DOCK1: variants seen among roughly 807,000 people sequenced by gnomAD.
DOCK1 encodes dedicator of cytokinesis 1, also known as dedicator of cytokinesis protein 1.
A neutral mutation model predicts 262.7 loss-of-function variants in DOCK1; 138 were observed. The observed-to-expected ratio is 0.53, with a 90% CI of 0.46 to 0.61. The LOEUF (loss-of-function observed/expected upper bound fraction) is 0.61. Among genes scored for constraint, DOCK1 ranks in the 20% least tolerant of loss-of-function variants. The pLI, the probability that DOCK1 is intolerant of heterozygous loss-of-function variation, is 0.00. For synonymous variants in DOCK1, 866 were observed against 867.4 expected, an observed-to-expected ratio of 1.00 and a Z score of 0.03; for missense variants, 1,908 against 2,370.7, an observed-to-expected ratio of 0.80 and a Z score of 4.05.
At chr10:127,096,552 C>A (rs1040883340) in intron 23 of DOCK1, among the ~76,000 whole-genome samples, 13 of 151,902 alleles carry the variant, frequency 8.6e-5, no homozygotes, top group Non-Finnish European at 1.8e-4. Context: ...TTTTGTATCA[C>A]CCATAACTCT....
chr10:127,346,087 T>A (rs1204989705), intron 31 of DOCK1, among the ~76,000 whole-genome samples: 1 of 152,132 alleles, frequency 6.6e-6, no homozygotes, highest in Non-Finnish European at 1.5e-5. Context: ...CAGCGCCCGC[T>A]ATTGGGTGAA....
chr10:126,964,753 T>C (rs1187649371), intron 1 of DOCK1, among the ~76,000 whole-genome samples: 1 of 152,230 alleles, frequency 6.6e-6, no homozygotes, highest in African/African-American at 2.4e-5. Context: ...GGGGAGGCTA[T>C]GGACCTGAGC....
intron 46 of DOCK1, among the ~76,000 whole-genome samples, chr10:127,420,953 G>C (rs1463472248): frequency 1.3e-5 from 2 of 151,736 alleles, no homozygotes; most frequent in Non-Finnish European, 2.9e-5. Flanking sequence ...GTCTCGCTCT[G>C]TTGCCCAGAC....
At position 127,214,371 on chromosome 10, in the gene DOCK1, G is replaced by A. The variant is rs191692966; in HGVS notation, c.2848-33637G>A. Reference sequence around the variant, plus strand: ...CTTTTTAGTTTTACCACATATTAATGTATCCTTAAACAATATGTTCTTAAG... The same window carrying A: ...CTTTTTAGTTTTACCACATATTAATATATCCTTAAACAATATGTTCTTAAG... On this transcript the variant is annotated intron_variant, in intron 27 of 51. Coordinates refer to ENST00000623213, the MANE Select transcript of DOCK1 (RefSeq NM_001290223.2). Among the ~76,000 whole-genome samples, 9 of 152,212 alleles carry A rather than the reference G, an allele frequency of 5.9e-5. No individual in the cohort carries two copies. The East Asian group carries it at 9.7e-4, about 16-fold the overall frequency.
chr10:127,200,455 G>A (rs751010273), intron 27 of DOCK1, among the ~76,000 whole-genome samples: 1 of 152,110 alleles, frequency 6.6e-6, no homozygotes, highest in Non-Finnish European at 1.5e-5. Flanking sequence ...ACAGAGTTTC[G>A]TTTTGTTGCC....
At chr10:126,979,660 A>G (rs2038806742) in intron 3 of DOCK1, among the ~76,000 whole-genome samples, 1 of 152,160 alleles carries the variant, frequency 6.6e-6, no homozygotes. Context: ...ATCATAACTC[A>G]TTCATAACTC....
At chr10:127,154,074 T>C in intron 27 of DOCK1, 1 of 622,238 alleles carries the variant, frequency 1.6e-6, no homozygotes, top group Non-Finnish European at 2.9e-6. Flanking sequence ...TGCTCCTGTC[T>C]CTGCTTTCGT....
intron 38 of DOCK1, among the ~76,000 whole-genome samples, chr10:127,394,756 GC>G: frequency 6.6e-6 from 1 of 152,294 alleles, no homozygotes; most frequent in Non-Finnish European, 1.5e-5. Flanking sequence ...TCACTAACAA[GC>G]TTTTCCACCC....
chr10:127,248,597 A>T (rs1439883013), intron 28 of DOCK1, among the ~76,000 whole-genome samples: 1 of 152,234 alleles, frequency 6.6e-6, no homozygotes, highest in Non-Finnish European at 1.5e-5. Context: ...CTATGATACA[A>T]CTTAATTAGG....
intron 16 of DOCK1, among the ~76,000 whole-genome samples, chr10:127,029,312 TA>T (rs2043087862): frequency 2.6e-5 from 4 of 152,200 alleles, no homozygotes; most frequent in African/African-American, 9.6e-5. Context: ...CAGAAACAGG[TA>T]GAAAGAGCTG....
intron 18 of DOCK1, among the ~76,000 whole-genome samples, chr10:127,035,147 C>T (rs1307245918): frequency 6.6e-6 from 1 of 152,210 alleles, no homozygotes; most frequent in African/African-American, 2.4e-5. Flanking sequence ...GATGGAGCTG[C>T]CCCAAATGGC....
At chr10:127,213,940 C>T (rs541766032) in intron 27 of DOCK1, among the ~76,000 whole-genome samples, 23 of 152,238 alleles carry the variant, frequency 1.5e-4, no homozygotes, top group Middle Eastern at 3.4e-3. Flanking sequence ...CTGGGGTTCA[C>T]GCCATTCTCC....
At chr10:127,145,589 G>A (rs2051736442) in intron 27 of DOCK1, among the ~76,000 whole-genome samples, 1 of 152,168 alleles carries the variant, frequency 6.6e-6, no homozygotes, top group Non-Finnish European at 1.5e-5. Context: ...CCAACCCTGA[G>A]TGGGATCCCA....
chr10:127,271,479 T>A (rs1464244710), intron 29 of DOCK1, among the ~76,000 whole-genome samples: 1 of 152,180 alleles, frequency 6.6e-6, no homozygotes, highest in Non-Finnish European at 1.5e-5. Flanking sequence ...TATAAAAAAA[T>A]GATAATGTTT....
intron 23 of DOCK1, among the ~76,000 whole-genome samples, chr10:127,097,147 G>A (rs991405611): frequency 3.3e-5 from 5 of 152,282 alleles, no homozygotes; most frequent in African/African-American, 1.2e-4. Context: ...TTAACCTGAA[G>A]TATTTCAGCA....
At chr10:127,420,094 C>CA (rs567962020) in intron 46 of DOCK1, among the ~76,000 whole-genome samples, 312 of 152,322 alleles carry the variant, frequency 2.0e-3, no homozygotes, top group Middle Eastern at 0.01. Flanking sequence ...TAGCCTGTGC[C>CA]AGGAAAGGCG....
At chr10:126,959,435 G>A (rs901595800) in intron 1 of DOCK1, among the ~76,000 whole-genome samples, 23 of 152,232 alleles carry the variant, frequency 1.5e-4, no homozygotes, top group African/African-American at 4.6e-4. Flanking sequence ...ACGATATATA[G>A]GGTTATATAA....
chr10:127,126,666 C>T (rs2049983612), intron 26 of DOCK1, among the ~76,000 whole-genome samples: 1 of 152,162 alleles, frequency 6.6e-6, no homozygotes, highest in Admixed American at 6.5e-5. Context: ...TGTTGGAGCA[C>T]ACACATGATG....
At chr10:127,172,520 G>A (rs755129862) in intron 27 of DOCK1, among the ~76,000 whole-genome samples, 3 of 152,150 alleles carry the variant, frequency 2.0e-5, no homozygotes, top group Non-Finnish European at 2.9e-5. Context: ...TGGAGAAGAC[G>A]GGTGGGAAAT....
Sources: allele counts gnomAD v4.1 joint callset (sites outside exome capture counted in the v4.1 genomes callset), GRCh38; gene constraint gnomAD v4.1.1; transcripts MANE v1.5; gene names NCBI Gene and HGNC (gene_info 2026-07-23, HGNC 2026-07-21).